The following RPL17 variants were observed in gnomAD, a reference collection of about 807,000 sequenced individuals.
RPL17 encodes the protein large ribosomal subunit protein uL22.
Under a neutral mutation model 27.7 loss-of-function variants are expected in RPL17, and 2 were observed. The ratio of observed to expected loss-of-function variants is 0.07; its 90% CI spans 0.03 to 0.23. The LOEUF (loss-of-function observed/expected upper bound fraction) is 0.23, where lower values mean the gene tolerates loss of function less well. Among genes scored for constraint, RPL17 ranks in the 10% least tolerant of loss-of-function variants. The probability of loss-of-function intolerance (pLI) is 1.00; values close to 1 mark genes in which losing one functional copy is unlikely to be tolerated. For missense variants in RPL17, 141 were observed against 238.8 expected, an observed-to-expected ratio of 0.59 and a Z score of 2.70; for synonymous variants, 76 against 75.5, an observed-to-expected ratio of 1.01 and a Z score of -0.03.
chr18:49,492,053 C>G (rs1406796783), intron 1 of RPL17: 1 of 274,134 alleles, frequency 3.6e-6, no homozygotes, highest in Non-Finnish European at 7.3e-6. Flanking sequence ...GTACGCAACA[C>G]TCTTGTAGTA....
intron 1 of RPL17, chr18:49,491,954 A>G: frequency 2.6e-6 from 1 of 379,924 alleles, no homozygotes. Context: ...CTCCCGCTCT[A>G]CAGAAACCCC....
In RPL17 at chr18:49,491,434, T is replaced by C. The variant is rs955728957; in HGVS notation, c.52A>G (p.Arg18Gly). The C allele has an allele frequency of 1.9e-6, 3 of 1,614,172 alleles. No individual in the cohort carries two copies. Among genetic ancestry groups the C allele is most frequent in the African/African-American group, 2.7e-5 (2 of 75,038 alleles). Residue 18 changes from arginine (R) to glycine (G), a missense_variant, in exon 3 of 7, where the codon AGA becomes GGA. Arg to Gly is a moderately radical substitution (Grantham distance 125). This residue lies in a region of RPL17 where 107 missense variants were observed against 150.1 expected (regional missense o/e 0.71). Coordinates refer to ENST00000580261, the MANE Select transcript of RPL17 (RefSeq NM_001035006.5). ...AAGTGAACACGAAGATTGGAACCTC[T>C]TGATTTGCATGCTAGAAAATAAAAC... ...PENPTKSCKS[R>G]GSNLRVHFKN...
chr18:49,491,679 G>A (rs2084098256), intron 1 of RPL17, 95 bp from the exon 2 acceptor site: 3 of 1,454,870 alleles, frequency 2.1e-6, no homozygotes, highest in Admixed American at 1.7e-5. Context: ...TCAGAGAGTA[G>A]TTGTTTTCAT....
chr18:49,488,906 T>TG (rs1034806289), intron 6 of RPL17, among the ~76,000 whole-genome samples: 5 of 151,458 alleles, frequency 3.3e-5, no homozygotes, highest in African/African-American at 1.2e-4. Context: ...ACTACCAGTT[T>TG]TTTTTTTTTT....
At chr18:49,491,835 T>C (rs2084113880) in intron 1 of RPL17, 1 of 685,922 alleles carries the variant, frequency 1.5e-6, no homozygotes, top group African/African-American at 1.8e-5. Flanking sequence ...CAGTCAACCC[T>C]TTGGAAGAAA....
At chr18:49,488,596 T>TA in intron 6 of RPL17, 30 bp from the exon 7 acceptor site, 1 of 1,365,462 alleles carries the variant, frequency 7.3e-7, no homozygotes, top group Admixed American at 1.7e-5. Context: ...TTAAGTTTCT[T>TA]AGAGAAAACC....
rs755992047 is a variant in RPL17, at chr18:49,490,493, C to T, written c.276G>A (p.Leu92=). 7.4e-6 allele frequency: 12 copies of T among 1,613,882 alleles called. No individual in the cohort carries two copies. The Admixed American group carries it at 1.5e-4, about 20-fold the overall frequency. The stretch of plus-strand genomic sequence containing the variant: ...TACTCTCTGCGTTTTTAAGCATGTG[C>T]AGCAAAAATTCAGCACTCTTTTTGG... ...RWPKKSAEFL[L]HMLKNAESNA... Residue 92 remains leucine (L), a synonymous_variant, in exon 5 of 7, where the codon CTG becomes CTA. Coordinates refer to ENST00000580261, the MANE Select transcript of RPL17 (RefSeq NM_001035006.5).
chr18:49,490,235 G>A (rs2148820233), intron 5 of RPL17: 1 of 530,456 alleles, frequency 1.9e-6, no homozygotes, highest in Non-Finnish European at 3.3e-6. Context: ...GGCTTAAAGA[G>A]ACCACAGAGC....
rs1473428968 is a variant in RPL17, at chr18:49,491,439, T to C, written c.47A>G (p.Lys16Arg). 3 of 1,614,174 alleles carry C rather than the reference T, an allele frequency of 1.9e-6. No individual in the cohort carries two copies. In the South Asian group the frequency reaches 3.3e-5, roughly 18 times the overall value. Reference sequence around the variant, plus strand: ...AACACGAAGATTGGAACCTCTTGATTTGCATGCTAGAAAATAAAACGTTTT... The same window carrying C: ...AACACGAAGATTGGAACCTCTTGATCTGCATGCTAGAAAATAAAACGTTTT... ...LDPENPTKSC[K>R]SRGSNLRVHF... Residue 16 changes from lysine to arginine, a missense_variant, in exon 3 of 7, where the codon AAA (lysine) becomes AGA (arginine). This residue lies in a region of RPL17 where 107 missense variants were observed against 150.1 expected (regional missense o/e 0.71). Coordinates refer to ENST00000580261, the MANE Select transcript of RPL17 (RefSeq NM_001035006.5).
chr18:49,491,810 C>T (rs2148825889), intron 1 of RPL17: 1 of 741,828 alleles, frequency 1.3e-6, no homozygotes, highest in Non-Finnish European at 2.5e-6. Flanking sequence ...AGTAGCCACA[C>T]GGGCCTCACC....
At chr18:49,488,648 AAACCT>A (rs1191594409) in intron 6 of RPL17, 82 bp from the exon 7 acceptor site, 1 of 830,014 alleles carries the variant, frequency 1.2e-6, no homozygotes, top group Non-Finnish European at 2.1e-6. Context: ...TGGAGGCAGG[AAACCT>A]AGTCGTTAAG....
In RPL17 at chr18:49,491,625, C is replaced by T. The variant is rs374829664; in HGVS notation, c.-13-41G>A. On this transcript the variant is annotated intron_variant, in intron 1 of 6. Coordinates refer to ENST00000580261, the MANE Select transcript of RPL17 (RefSeq NM_001035006.5). ...GTGTAATTCTGTCAATACGTACTTA[C>T]AGTAACTCATTCAGTATAAATATCA... The T allele has an allele frequency of 4.4e-6, 7 of 1,603,220 alleles. No individual in the cohort carries two copies. The African/African-American group carries it at 9.4e-5, about 21-fold the overall frequency.
chr18:49,490,704 T>C, intron 4 of RPL17, 89 bp downstream of exon 4: 5 of 1,598,466 alleles, frequency 3.1e-6, no homozygotes, highest in South Asian at 2.2e-5. Flanking sequence ...AGAAATAGGT[T>C]CATCAGCACA....
intron 4 of RPL17, 75 bp downstream of exon 4, chr18:49,490,718 C>T (rs2084007092): frequency 6.2e-7 from 1 of 1,606,568 alleles, no homozygotes; most frequent in Admixed American, 1.7e-5. Context: ...CAGCACAGAT[C>T]TTAGCCATTC....
At chr18:49,488,637 C>A in intron 6 of RPL17, 71 bp from the exon 7 acceptor site, 1 of 907,030 alleles carries the variant, frequency 1.1e-6, no homozygotes, top group Non-Finnish European at 1.8e-6. Context: ...TCAGCTTATT[C>A]TGGAGGCAGG....
chr18:49,489,643 G>C, intron 5 of RPL17, 93 bp from the exon 6 acceptor site: 1 of 1,340,850 alleles, frequency 7.5e-7, no homozygotes, highest in Non-Finnish European at 1.0e-6. Context: ...TCCCAGGCTT[G>C]CTCCAGAGTC....
At chr18:49,491,838 G>A in intron 1 of RPL17, 2 of 677,400 alleles carry the variant, frequency 3.0e-6, no homozygotes, top group South Asian at 2.9e-5. Context: ...TCAACCCTTT[G>A]GAAGAAAATA....
chr18:49,492,426 G>A (rs1270428749), intron 1 of RPL17, 32 bp downstream of exon 1: 1 of 152,522 alleles, frequency 6.6e-6, no homozygotes, highest in Non-Finnish European at 1.5e-5. Flanking sequence ...AGGAGGATTG[G>A]GCCCTCGGAG....
rs755475229 is a variant in RPL17, at chr18:49,489,461, C to T, written c.405G>A (p.Arg135=). The change falls in exon 6 of 7, where the codon CGG becomes CGA. Residue 135 remains arginine, a synonymous_variant. Coordinates refer to ENST00000580261, the MANE Select transcript of RPL17 (RefSeq NM_001035006.5). ...MRRRTYRAHG[R]INPYMSSPCH... ...AGGGAGAGCTCATGTATGGGTTAAT[C>T]CGACCATGAGCTCTGTAGGTCCGGC... The T allele has an allele frequency of 1.6e-5, 26 of 1,606,640 alleles. No individual in the cohort carries two copies. In the South Asian group the frequency reaches 2.7e-4, roughly 17 times the overall value.
Sources: gnomAD v4.1 joint callset for allele counts (sites outside exome capture counted in the v4.1 genomes callset) on GRCh38, gnomAD v4.1.1 for gene constraint, gnomAD v4.1.1 regional missense constraint, MANE v1.5 for transcripts, NCBI Gene and HGNC (gene_info 2026-07-23, HGNC 2026-07-21) for gene names.